Variants in TMPRSS15 observed in about 807,000 individuals in gnomAD.
The protein encoded by TMPRSS15 is transmembrane serine protease 15, also known as enteropeptidase.
TMPRSS15 carries 128 observed loss-of-function variants against 125.3 expected under a neutral mutation model. The observed-to-expected ratio is 1.02, with a 90% CI of 0.89 to 1.18. The LOEUF (loss-of-function observed/expected upper bound fraction) is 1.18, where lower values mean the gene tolerates loss of function less well. TMPRSS15 is among the 50% of genes most tolerant of loss of function. The pLI, the probability that TMPRSS15 is intolerant of heterozygous loss-of-function variation, is 0.00. For missense variants in TMPRSS15, 1,283 were observed against 1,212.7 expected (o/e 1.06, Z -0.86); for synonymous variants, 446 against 423.2 (o/e 1.05, Z -0.66).
In TMPRSS15 at chr21:18,270,038, C is replaced by T; in HGVS notation, c.2991G>A (p.Leu997=). The T allele has an allele frequency of 6.2e-7, 1 of 1,613,964 alleles. No homozygotes were observed. The highest frequency in any genetic ancestry group is 8.5e-7 in the Non-Finnish European group (1 of 1,179,914). ...TGGCATACACTCCGGGGCGATTAGG[C>T]AGGGCACACTTGTATCCAAATGAGG... is the stretch of plus-strand genomic sequence containing the variant. ...GVTSFGYKCA[L]PNRPGVYARV... Residue 997 remains leucine (L), a synonymous_variant, in exon 25 of 25, where the codon CTG becomes CTA. Coordinates refer to ENST00000284885, the MANE Select transcript of TMPRSS15 (RefSeq NM_002772.3).
chr21:18,353,302 T>C (rs2075589989), intron 9 of TMPRSS15, among the ~76,000 whole-genome samples: 2 of 151,862 alleles, frequency 1.3e-5, no homozygotes, highest in African/African-American at 2.4e-5. Flanking sequence ...TATAAGTTTC[T>C]CATTTTTTAA....
At position 18,284,676 on chromosome 21, in the gene TMPRSS15, G is replaced by T. The variant is rs371611108; in HGVS notation, c.2487-3455C>A. On this transcript the variant is annotated intron_variant, in intron 21 of 24. Coordinates refer to ENST00000284885, the MANE Select transcript of TMPRSS15 (RefSeq NM_002772.3). ...GCATAGGAGAAGGTGAGAACCACCT[G>T]GAATAGGAAATCCCCAATCCGGTGG... 2.4e-4 allele frequency among the ~76,000 whole-genome samples: 37 copies of T among 152,266 alleles called. No individual in the cohort carries two copies. In the East Asian group the frequency reaches 2.9e-3, roughly 12 times the overall value.
At position 18,367,489 on chromosome 21, in the gene TMPRSS15, A is replaced by G. The variant is rs115536107; in HGVS notation, c.665-2241T>C. Among the ~76,000 whole-genome samples the G allele has an allele frequency of 8.5e-3, 1,287 of 152,094 alleles. 16 individuals carry two copies. Among genetic ancestry groups the G allele is most frequent in the African/African-American group, 0.03 (1,230 of 41,532 alleles). On this transcript the variant is annotated intron_variant, in intron 6 of 24. Coordinates refer to ENST00000284885, the MANE Select transcript of TMPRSS15 (RefSeq NM_002772.3). Reference sequence around the variant, plus strand: ...AATTAATGCCTTACATTCAAAGACCATAAAAACAAAAATGGCATTTGCTTG... The same window carrying G: ...AATTAATGCCTTACATTCAAAGACCGTAAAAACAAAAATGGCATTTGCTTG...
At chr21:18,329,959 G>A (rs2075328752) in intron 14 of TMPRSS15, among the ~76,000 whole-genome samples, 1 of 151,790 alleles carries the variant, frequency 6.6e-6, no homozygotes, top group Non-Finnish European at 1.5e-5. Context: ...TCTTTTCTCA[G>A]ATGCAGGCAA....
intron 1 of TMPRSS15, among the ~76,000 whole-genome samples, chr21:18,413,751 A>G (rs985637776): frequency 1.3e-5 from 2 of 151,920 alleles, no homozygotes; most frequent in Admixed American, 1.3e-4. Context: ...GCTTTAGGAC[A>G]GGGTCTTGCT....
intron 1 of TMPRSS15, among the ~76,000 whole-genome samples, chr21:18,446,341 T>C (rs529788597): frequency 1.3e-5 from 2 of 152,288 alleles, no homozygotes; most frequent in Admixed American, 1.3e-4. Context: ...TGTTCATGAA[T>C]TGGAATAATT....
At chr21:18,359,005 A>G (rs1270606913) in intron 8 of TMPRSS15, among the ~76,000 whole-genome samples, 1 of 151,960 alleles carries the variant, frequency 6.6e-6, no homozygotes, top group African/African-American at 2.4e-5. Flanking sequence ...ACAGTTAACT[A>G]TTTCTCCAAC....
chr21:18,368,406 G>A (rs2824778), intron 6 of TMPRSS15, among the ~76,000 whole-genome samples: 38,668 of 152,088 alleles, frequency 0.25, 5,099 homozygotes, highest in Middle Eastern at 0.3. Context: ...TGAGTTGGCC[G>A]ATGAACGATT....
intron 1 of TMPRSS15, among the ~76,000 whole-genome samples, chr21:18,451,069 CT>C (rs34100738): frequency 9.4e-5 from 14 of 149,698 alleles, no homozygotes; most frequent in South Asian, 2.1e-4. Context: ...AAAAGATTCT[CT>C]TTTTTTTTTA....
intron 1 of TMPRSS15, among the ~76,000 whole-genome samples, chr21:18,442,475 A>G (rs1230395023): frequency 6.6e-6 from 1 of 152,252 alleles, no homozygotes; most frequent in African/African-American, 2.4e-5. Context: ...TAAGCTATAA[A>G]GTAGTTATTT....
Position 18,341,680 on chromosome 21 carries a change from C to CGTTA in TMPRSS15, c.1429-136_1429-133dup, listed in dbSNP as rs2075447895. 9.2e-6 allele frequency: 9 copies of CGTTA among 977,820 alleles called. No homozygotes were observed. In the South Asian group the frequency reaches 1.1e-4, roughly 12 times the overall value. 60.6% of individuals were successfully genotyped at this position (977,820 alleles called of 1,614,324 possible). ...TTGTCACCTTGAACTATATGGTGAC[C>CGTTA]GTTACTACATAGTGAAATCTTGACA... is the stretch of plus-strand genomic sequence containing the variant. On this transcript the variant is annotated intron_variant, in intron 12 of 24. Coordinates refer to ENST00000284885, the MANE Select transcript of TMPRSS15 (RefSeq NM_002772.3).
intron 22 of TMPRSS15, among the ~76,000 whole-genome samples, chr21:18,280,373 G>A (rs112692546): frequency 3.9e-5 from 6 of 152,026 alleles, no homozygotes; most frequent in Non-Finnish European, 7.4e-5. Context: ...TCAAGAGATC[G>A]AGATCATCCT....
intron 1 of TMPRSS15, among the ~76,000 whole-genome samples, chr21:18,460,939 A>G (rs2122952089): frequency 5.9e-5 from 9 of 152,158 alleles, no homozygotes; most frequent in Non-Finnish European, 1.2e-4. Flanking sequence ...TTACACTTTA[A>G]TTATATACTA....
chr21:18,353,210 A>AT (rs2075588691), intron 9 of TMPRSS15, among the ~76,000 whole-genome samples, 158 bp from the exon 10 acceptor site: 1 of 151,710 alleles, frequency 6.6e-6, no homozygotes, highest in Non-Finnish European at 1.5e-5. Flanking sequence ...GTTGCATTCT[A>AT]TTTATTTTTT....
chr21:18,297,646 TA>T, intron 19 of TMPRSS15, 87 bp downstream of exon 19: 1 of 906,702 alleles, frequency 1.1e-6, no homozygotes, highest in Non-Finnish European at 1.8e-6. Flanking sequence ...GACCAGTATG[TA>T]ATAGCATTCA....
intron 1 of TMPRSS15, among the ~76,000 whole-genome samples, chr21:18,451,556 T>C (rs1978339926): frequency 6.6e-6 from 1 of 152,174 alleles, no homozygotes; most frequent in South Asian, 2.1e-4. Context: ...TTAAGCTGCT[T>C]TGGGGACAGC....
intron 3 of TMPRSS15, among the ~76,000 whole-genome samples, chr21:18,391,588 C>A (rs1375629742): frequency 2.0e-5 from 3 of 152,344 alleles, no homozygotes; most frequent in Admixed American, 1.3e-4. Context: ...GCTCCCCTAC[C>A]CCCACTGGCT....
Position 18,294,156 on chromosome 21 carries a change from A to C in TMPRSS15, c.2486+114T>G, listed in dbSNP as rs1329865542. 9 of 1,246,040 alleles carry C rather than the reference A, an allele frequency of 7.2e-6. No homozygotes were observed. The East Asian group carries it at 2.2e-4, about 30-fold the overall frequency. The allele number at this position is 1,246,040 out of a possible 1,614,324, so 77.2% of individuals were successfully genotyped here. ...ATAATTGGAATGTTTATAATGTCAT[A>C]AACAGCAGGATTTCCCTGGTGGGAT... On this transcript the variant is annotated intron_variant, in intron 21 of 24. Transcript: ENST00000284885.
chr21:18,321,402 G>C (rs1224459528), intron 16 of TMPRSS15, among the ~76,000 whole-genome samples: 1 of 135,432 alleles, frequency 7.4e-6, no homozygotes, highest in Non-Finnish European at 1.5e-5. Context: ...GCCCAGGCTG[G>C]AGTGCTGTGG....
Sources: allele counts gnomAD v4.1 joint callset (sites outside exome capture counted in the v4.1 genomes callset), GRCh38; gene constraint gnomAD v4.1.1; transcripts MANE v1.5; gene names NCBI Gene and HGNC (gene_info 2026-07-23, HGNC 2026-07-21).